Variants in TRIM51 observed in about 807,000 individuals in gnomAD.
TRIM51 encodes tripartite motif-containing 51.
Under a neutral mutation model 32.7 loss-of-function variants are expected in TRIM51, and 23 were observed. The observed-to-expected ratio is 0.70, with a 90% CI of 0.51 to 1.00. The LOEUF is 1.00. Ranked by LOEUF, TRIM51 falls within the 50% of genes least tolerant of loss-of-function variation. The pLI is 0.00. For synonymous variants in TRIM51, 177 were observed against 181.9 expected, an observed-to-expected ratio of 0.97 and a Z score of 0.22; for missense variants, 592 against 539.2, an observed-to-expected ratio of 1.10 and a Z score of -0.97.
intron 3 of TRIM51, among the ~76,000 whole-genome samples, chr11:55,887,354 A>G (rs1252047689): frequency 2.0e-5 from 3 of 151,640 alleles, no homozygotes; most frequent in Non-Finnish European, 2.9e-5. Context: ...ATACACACAC[A>G]CAGATACACA....
At chr11:55,887,991 G>T in intron 3 of TRIM51, 41 bp from the exon 4 acceptor site, 1 of 1,416,528 alleles carries the variant, frequency 7.1e-7, no homozygotes, top group South Asian at 1.2e-5. Flanking sequence ...TTCAAGAGAA[G>T]ATGGGTAAAA....
chr11:55,888,765 G>T (rs1441317359), intron 4 of TRIM51, among the ~76,000 whole-genome samples: 4 of 152,156 alleles, frequency 2.6e-5, no homozygotes, highest in South Asian at 2.1e-4. Flanking sequence ...CTTGTGAAGA[G>T]AATGTCTTCA....
chr11:55,885,788 G>A lies in TRIM51; in HGVS notation c.360G>A (p.Glu120=), dbSNP rs1854569679. The A allele has an allele frequency of 6.2e-7, 1 of 1,611,654 alleles. No individual in the cohort carries two copies. The change falls in exon 2 of 7, where the codon GAG becomes GAA. Residue 120 remains glutamate (E), a synonymous_variant. Coordinates refer to ENST00000449290, the MANE Select transcript of TRIM51 (RefSeq NM_032681.4). ...LLCLPCSNSQ[E]HRNHIHCPIE... ...GTTTGCCGTGCTCCAACTCTCAGGA[G>A]CACCGGAATCACATACACTGTCCCA...
chr11:55,886,085 T>C (rs1854573779), intron 2 of TRIM51, 38 bp from the exon 3 acceptor site: 1 of 1,579,234 alleles, frequency 6.3e-7, no homozygotes, highest in Non-Finnish European at 8.7e-7. Context: ...GATACTTTAT[T>C]GTCCTCACTT....
rs35687091 is a variant in TRIM51 at position 55,887,301 on chromosome 11, G to GTATATA, written c.508-717_508-712dup. ...AATATATATGTGTATCTGGATGTTG[G>GTATATA]TATATATATATATATATATGGATAC... On this transcript the variant is annotated intron_variant, in intron 3 of 6. Transcript: ENST00000449290. Among the ~76,000 whole-genome samples, 229 of 141,832 alleles carry GTATATA rather than the reference G, an allele frequency of 1.6e-3. 1 individual carries two copies. The highest frequency in any genetic ancestry group is 5.4e-3 in the African/African-American group (207 of 38,682). 93.0% of individuals were successfully genotyped at this position (141,832 alleles called of 152,430 possible).
At chr11:55,890,787 G>C (rs569404062) in intron 6 of TRIM51, among the ~76,000 whole-genome samples, 1 of 152,170 alleles carries the variant, frequency 6.6e-6, no homozygotes, top group South Asian at 2.1e-4. Flanking sequence ...TAGTATTTAA[G>C]AACAAGAAAT....
rs143840865 is a variant in TRIM51 at position 55,884,157 on chromosome 11, CTATATATATATATATA to C, written c.-5+784_-5+799del. On this transcript the variant is annotated intron_variant, in intron 1 of 6. Coordinates refer to ENST00000449290, the MANE Select transcript of TRIM51 (RefSeq NM_032681.4). ...CCATAGGATGTGTACATAACTATAA[CTATATATATATATATA>C]TATATATATACACATACCAAAAATA... 7.7e-3 allele frequency among the ~76,000 whole-genome samples: 471 copies of C among 61,564 alleles called. 21 individuals are homozygous for C. Among genetic ancestry groups the C allele is most frequent in the South Asian group, 0.025 (16 of 646 alleles). The allele number at this position is 61,564 out of a possible 152,430, so 40.4% of individuals were successfully genotyped here.
chr11:55,889,088 A>C (rs1854614950), intron 5 of TRIM51, 87 bp downstream of exon 5: 1 of 1,181,962 alleles, frequency 8.5e-7, no homozygotes, highest in Non-Finnish European at 1.3e-6. Flanking sequence ...TAATTGATTC[A>C]GATAGTGATA....
chr11:55,886,675 A>G (rs1854582802), intron 3 of TRIM51, among the ~76,000 whole-genome samples: 1 of 152,196 alleles, frequency 6.6e-6, no homozygotes, highest in Non-Finnish European at 1.5e-5. Context: ...TAGAGAAAGC[A>G]TGAAATGAAA....
chr11:55,889,085 T>G, intron 5 of TRIM51, 84 bp downstream of exon 5: 3 of 1,217,740 alleles, frequency 2.5e-6, no homozygotes, highest in East Asian at 4.7e-5. Flanking sequence ...GTATAATTGA[T>G]TCAGATAGTG....
chr11:55,886,674 C>G (rs1854582766), intron 3 of TRIM51, among the ~76,000 whole-genome samples: 1 of 152,082 alleles, frequency 6.6e-6, no homozygotes, highest in African/African-American at 2.4e-5. Context: ...TTAGAGAAAG[C>G]ATGAAATGAA....
chr11:55,891,370 G>C lies in TRIM51; in HGVS notation c.1097G>C (p.Arg366Thr). Residue 366 changes from arginine to threonine, a missense_variant, in exon 7 of 7, where the codon AGA becomes ACA. Coordinates refer to ENST00000449290, the MANE Select transcript of TRIM51 (RefSeq NM_032681.4). ...GVCNNYWKEK[R>T]QNDKIDGEEG... The stretch of plus-strand genomic sequence containing the variant: ...TGTAACAATTATTGGAAAGAGAAGA[G>C]ACAGAATGACAAGATAGATGGAGAG... 5.0e-6 allele frequency: 8 copies of C among 1,612,126 alleles called. No individual in the cohort carries two copies. Among genetic ancestry groups the C allele is most frequent in the Non-Finnish European group, 6.8e-6 (8 of 1,179,744 alleles).
At chr11:55,891,026 T>A in intron 6 of TRIM51, 107 bp from the exon 7 acceptor site, 1 of 886,658 alleles carries the variant, frequency 1.1e-6, no homozygotes, top group South Asian at 1.9e-5. Context: ...TCCTTGTAAC[T>A]TCAAATTTCT....
intron 4 of TRIM51, 96 bp from the exon 5 acceptor site, chr11:55,888,883 G>A (rs548638068): frequency 1.1e-5 from 12 of 1,110,960 alleles, no homozygotes; most frequent in Middle Eastern, 4.0e-4. Context: ...TAGGAAAATA[G>A]TATCTTCAGA....
chr11:55,884,563 C>T (rs1298236451), intron 1 of TRIM51, among the ~76,000 whole-genome samples: 1 of 152,014 alleles, frequency 6.6e-6, no homozygotes, highest in Non-Finnish European at 1.5e-5. Context: ...GTCTGAGCTA[C>T]CAGCTGATTG....
At chr11:55,885,311 T>G (rs1854561077) in intron 1 of TRIM51, 114 bp from the exon 2 acceptor site, 5 of 1,082,862 alleles carry the variant, frequency 4.6e-6, no homozygotes, top group Non-Finnish European at 5.5e-6. Context: ...AAATAGTTTG[T>G]TCCGCTTTAA....
At chr11:55,887,382 TC>T (rs1854590526) in intron 3 of TRIM51, among the ~76,000 whole-genome samples, 2 of 151,602 alleles carry the variant, frequency 1.3e-5, no homozygotes, top group African/African-American at 2.4e-5. Flanking sequence ...TCCTCATATA[TC>T]CATATATACC....
chr11:55,886,754 G>T (rs571558635), intron 3 of TRIM51, among the ~76,000 whole-genome samples: 1 of 152,218 alleles, frequency 6.6e-6, no homozygotes, highest in South Asian at 2.1e-4. Flanking sequence ...ATGTACACTT[G>T]TGTCTTGATG....
In TRIM51 at chr11:55,891,260, T is replaced by C; in HGVS notation, c.987T>C (p.Leu329=). 1 of 1,608,856 alleles carries C rather than the reference T, an allele frequency of 6.2e-7. No individual in the cohort carries two copies. The highest frequency in any genetic ancestry group is 8.5e-7 in the Non-Finnish European group (1 of 1,179,728). ...TCACTGGAAAATCTGAATGTTTTCT[T>C]GTATGGGGGGCTCAGGCTTTCACAT... ...PDITGKSECF[L]VWGAQAFTSG... is the part of the protein sequence containing the mutation. Residue 329 remains leucine, a synonymous_variant, in exon 7 of 7, where the codon CTT becomes CTC. Coordinates refer to ENST00000449290, the MANE Select transcript of TRIM51 (RefSeq NM_032681.4).
Sources: allele counts gnomAD v4.1 joint callset (sites outside exome capture counted in the v4.1 genomes callset), GRCh38; gene constraint gnomAD v4.1.1; transcripts MANE v1.5; gene names NCBI Gene and HGNC (gene_info 2026-07-23, HGNC 2026-07-21).